The following NNT variants were observed in gnomAD, a reference collection of about 807,000 sequenced individuals.
NNT encodes the protein nicotinamide nucleotide transhydrogenase.
In NNT, 50 loss-of-function variants were observed where a neutral mutation model predicts 104.8. The ratio of observed to expected loss-of-function variants is 0.48; its 90% CI spans 0.38 to 0.60. NNT has a LOEUF of 0.60. Ranked by LOEUF, NNT falls within the 20% of genes least tolerant of loss-of-function variation. The probability of loss-of-function intolerance (pLI) is 0.00; values close to 1 mark genes in which losing one functional copy is unlikely to be tolerated. For synonymous variants in NNT, 461 were observed against 490.4 expected, an observed-to-expected ratio of 0.94 and a Z score of 0.79; for missense variants, 1,131 against 1,330.7, an observed-to-expected ratio of 0.85 and a Z score of 2.33.
chr5:43,693,852 T>C (rs998288956), intron 19 of NNT, among the ~76,000 whole-genome samples: 4 of 152,212 alleles, frequency 2.6e-5, no homozygotes, highest in African/African-American at 9.6e-5. Flanking sequence ...AATTTTATTC[T>C]CACTTAAATA....
At chr5:43,651,940 A>T (rs535058318) in intron 13 of NNT, 56 bp downstream of exon 13, 1 of 1,549,842 alleles carries the variant, frequency 6.5e-7, no homozygotes, top group East Asian at 2.3e-5. Context: ...TCTCTATTAG[A>T]TTTAACATTG....
At chr5:43,649,106 T>C (rs1215240333) in intron 10 of NNT, 41 bp from the exon 11 acceptor site, 5 of 1,604,204 alleles carry the variant, frequency 3.1e-6, no homozygotes, top group Non-Finnish European at 4.3e-6. Context: ...CTGAGATAAC[T>C]GGATGTCAGC....
intron 21 of NNT, 120 bp from the exon 22 acceptor site, chr5:43,704,135 C>T (rs1742995458): frequency 1.3e-6 from 1 of 751,446 alleles, no homozygotes; most frequent in Non-Finnish European, 2.0e-6. Context: ...AGTCCCTGCA[C>T]TAAAGAATTA....
At chr5:43,658,681 G>A (rs1740188762) in intron 16 of NNT, among the ~76,000 whole-genome samples, 1 of 152,096 alleles carries the variant, frequency 6.6e-6, no homozygotes, top group Non-Finnish European at 1.5e-5. Context: ...ACAGAAACTG[G>A]GACTCCTTCC....
At chr5:43,699,982 A>C (rs1198147067) in intron 19 of NNT, 137 bp from the exon 20 acceptor site, 1 of 610,120 alleles carries the variant, frequency 1.6e-6, no homozygotes, top group Middle Eastern at 2.9e-4. Context: ...CTGCTGTTTC[A>C]TTCTGTAGAG....
chr5:43,706,397 T>A lies in NNT; in HGVS notation c.*1993T>A, dbSNP rs1743094798. 1.3e-5 allele frequency: 2 copies of A among 151,852 alleles called. No individual in the cohort carries two copies. Among genetic ancestry groups the A allele is most frequent in the Admixed American group, 1.3e-4 (2 of 15,254 alleles). The allele number at this position is 151,852 out of a possible 1,614,324, so 9.4% of individuals were successfully genotyped here. A position where few individuals can be genotyped will look rare whatever the true frequency, so the allele number is the denominator to read the frequency against. The stretch of plus-strand genomic sequence containing the variant: ...ATGACTTATTTTATTTTTGTATTAT[T>A]CACTATATCTTTATGATATTTAAGT... On this transcript the variant is annotated 3_prime_UTR_variant, in exon 22 of 22. Coordinates refer to ENST00000344920, the MANE Select transcript of NNT (RefSeq NM_182977.3).
At chr5:43,614,277 T>C (rs1396023099) in intron 3 of NNT, among the ~76,000 whole-genome samples, 2 of 152,200 alleles carry the variant, frequency 1.3e-5, no homozygotes, top group Non-Finnish European at 2.9e-5. Flanking sequence ...TCCTATAACA[T>C]AGAATATTGT....
intron 17 of NNT, among the ~76,000 whole-genome samples, chr5:43,671,108 C>G (rs1329621665): frequency 6.6e-6 from 1 of 152,102 alleles, no homozygotes; most frequent in Non-Finnish European, 1.5e-5. Context: ...ATTGTAACCC[C>G]TGCTTTTTTT....
chr5:43,703,274 G>T (rs998968833), intron 21 of NNT, among the ~76,000 whole-genome samples: 1 of 152,166 alleles, frequency 6.6e-6, no homozygotes, highest in Admixed American at 6.5e-5. Context: ...ATAACTCAAA[G>T]GCTTGTAAAT....
rs187050230 is a variant in NNT at position 43,645,565 on chromosome 5, A to G, written c.1444+55A>G. ...TTGATTGTTTGATTTTGCAAGTTATATATATATATATCTATAGATATATGT... is the reference window on the plus strand; with the variant it reads ...TTGATTGTTTGATTTTGCAAGTTATGTATATATATATCTATAGATATATGT... On this transcript the variant is annotated intron_variant, in intron 10 of 21. Coordinates refer to ENST00000344920, the MANE Select transcript of NNT (RefSeq NM_182977.3). 1,404 of 1,112,566 alleles carry G rather than the reference A, an allele frequency of 1.3e-3. 16 individuals are homozygous for G. In the African/African-American group the frequency reaches 0.02, roughly 16 times the overall value. The allele number at this position is 1,112,566 out of a possible 1,614,324, so 68.9% of individuals were successfully genotyped here. A position where few individuals can be genotyped will look rare whatever the true frequency, so the allele number is the denominator to read the frequency against.
At chr5:43,693,095 T>G (rs1353026520) in intron 19 of NNT, among the ~76,000 whole-genome samples, 1 of 152,086 alleles carries the variant, frequency 6.6e-6, no homozygotes, top group Admixed American at 6.5e-5. Context: ...TTATTGTCCC[T>G]GAACCTGAGG....
chr5:43,701,587 G>C, intron 20 of NNT, among the ~76,000 whole-genome samples: 1 of 152,098 alleles, frequency 6.6e-6, no homozygotes, highest in Admixed American at 6.6e-5. Context: ...TTTTCTTTTG[G>C]ATATGTACGC....
Position 43,645,575 on chromosome 5 carries a change from A to C in NNT, c.1444+65A>C, listed in dbSNP as rs191494867. ...GATTTTGCAAGTTATATATATATAT[A>C]TCTATAGATATATGTGTAGCTATAT... On this transcript the variant is annotated intron_variant, in intron 10 of 21. Coordinates refer to ENST00000344920, the MANE Select transcript of NNT (RefSeq NM_182977.3). The C allele has an allele frequency of 9.6e-5, 91 of 952,800 alleles. No homozygotes were observed. The African/African-American group carries it at 1.2e-3, about 13-fold the overall frequency. 59.0% of individuals were successfully genotyped at this position (952,800 alleles called of 1,614,324 possible). A position where few individuals can be genotyped will look rare whatever the true frequency, so the allele number is the denominator to read the frequency against.
chr5:43,684,409 A>G (rs919536494), intron 19 of NNT, among the ~76,000 whole-genome samples: 1 of 152,180 alleles, frequency 6.6e-6, no homozygotes, highest in African/African-American at 2.4e-5. Context: ...GAGTGAATTC[A>G]TCAGAACGGC....
At chr5:43,642,628 A>AGG (rs1751298660) in intron 7 of NNT, among the ~76,000 whole-genome samples, 1 of 152,166 alleles carries the variant, frequency 6.6e-6, no homozygotes, top group Non-Finnish European at 1.5e-5. Context: ...AAATAGAAGA[A>AGG]GGTCCAATGG....
intron 7 of NNT, among the ~76,000 whole-genome samples, chr5:43,629,085 AGATTTTGGT>A (rs1750532365): frequency 6.6e-6 from 1 of 152,082 alleles, no homozygotes; most frequent in African/African-American, 2.4e-5. Flanking sequence ...GTGATTTCTG[AGATTTTGGT>A]GCACCTGTCA....
intron 19 of NNT, among the ~76,000 whole-genome samples, 162 bp from the exon 20 acceptor site, chr5:43,699,957 T>A (rs112378144): frequency 2.3e-3 from 353 of 152,370 alleles, no homozygotes; most frequent in African/African-American, 8.1e-3. Context: ...GTAAATTGAC[T>A]ATATATCTGG....
intron 17 of NNT, among the ~76,000 whole-genome samples, chr5:43,673,191 CCTTGG>C (rs1741222813): frequency 6.6e-6 from 1 of 152,218 alleles, no homozygotes; most frequent in African/African-American, 2.4e-5. Context: ...TCACCGCTTC[CCTTGG>C]CTAGGAAAGG....
intron 1 of NNT, among the ~76,000 whole-genome samples, chr5:43,605,644 T>C (rs1043942561): frequency 1.3e-5 from 2 of 151,284 alleles, no homozygotes; most frequent in Non-Finnish European, 2.9e-5. Flanking sequence ...AGCTTTACAG[T>C]GAAGATGGAG....
Sources: gnomAD v4.1 joint callset for allele counts (sites outside exome capture counted in the v4.1 genomes callset) on GRCh38, gnomAD v4.1.1 for gene constraint, MANE v1.5 for transcripts, NCBI Gene and HGNC (gene_info 2026-07-23, HGNC 2026-07-21) for gene names.